Variants in SPAG6 observed in about 807,000 individuals in gnomAD.
SPAG6 encodes sperm associated antigen 6, also known as sperm-associated antigen 6.
A neutral mutation model predicts 58.5 loss-of-function variants in SPAG6; 49 were observed. The observed-to-expected ratio is 0.84, with a 90% CI of 0.67 to 1.06. The LOEUF (loss-of-function observed/expected upper bound fraction) is 1.06, where lower values mean the gene tolerates loss of function less well. Among genes scored for constraint, SPAG6 ranks in the 50% least tolerant of loss-of-function variants. SPAG6 has a pLI of 0.00. For missense variants in SPAG6, 560 were observed against 611.3 expected (o/e 0.92, Z 0.89); for synonymous variants, 233 against 225.6 (o/e 1.03, Z -0.29).
intron 9 of SPAG6, among the ~76,000 whole-genome samples, chr10:22,401,685 G>A (rs903439571): frequency 4.3e-4 from 66 of 152,116 alleles, no homozygotes; most frequent in African/African-American, 1.6e-3. Context: ...CTTTACTGGA[G>A]ATGTTCTCAG....
chr10:22,373,831 G>T (rs572332382), intron 4 of SPAG6, among the ~76,000 whole-genome samples: 1 of 152,048 alleles, frequency 6.6e-6, no homozygotes, highest in South Asian at 2.1e-4. Context: ...TTTGACCCTA[G>T]CACTTATTTT....
At chr10:22,388,773 C>G (rs911060958) in intron 6 of SPAG6, among the ~76,000 whole-genome samples, 2 of 152,104 alleles carry the variant, frequency 1.3e-5, no homozygotes, top group South Asian at 4.1e-4. Flanking sequence ...TAGAATATTT[C>G]AAGTCCGACA....
intron 10 of SPAG6, among the ~76,000 whole-genome samples, chr10:22,413,826 T>C (rs1359982518): frequency 6.6e-6 from 1 of 152,080 alleles, no homozygotes; most frequent in Non-Finnish European, 1.5e-5. Flanking sequence ...TAGACAAATA[T>C]AATCTCAAAA....
At chr10:22,367,334 A>G (rs1377092883) in intron 3 of SPAG6, among the ~76,000 whole-genome samples, 1 of 152,156 alleles carries the variant, frequency 6.6e-6, no homozygotes, top group East Asian at 1.9e-4. Context: ...TACTTATATA[A>G]TTTAAGAAAC....
In SPAG6 at chr10:22,398,209, A is replaced by G. The variant is rs7068745; in HGVS notation, c.1198-2952A>G. Reference sequence around the variant, plus strand: ...ATTGTATCCTCAAGTAAAAATATCAATTTGGACCCTTATCTCATACCATAT... The same window carrying G: ...ATTGTATCCTCAAGTAAAAATATCAGTTTGGACCCTTATCTCATACCATAT... On this transcript the variant is annotated intron_variant, in intron 8 of 10. Transcript: ENST00000376624. Among the ~76,000 whole-genome samples, 1,042 of 152,350 alleles carry G rather than the reference A, an allele frequency of 6.8e-3. 14 individuals are homozygous for G. The highest frequency in any genetic ancestry group is 0.024 in the African/African-American group (978 of 41,584).
At chr10:22,411,215 G>A (rs1834726056) in intron 10 of SPAG6, 39 bp downstream of exon 10, 1 of 1,552,022 alleles carries the variant, frequency 6.4e-7, no homozygotes, top group South Asian at 1.2e-5. Flanking sequence ...ATATTAGAAT[G>A]TAGTTTTTCT....
chr10:22,383,543 G>T (rs1396756665), intron 4 of SPAG6, among the ~76,000 whole-genome samples: 3 of 151,886 alleles, frequency 2.0e-5, no homozygotes, highest in African/African-American at 7.3e-5. Flanking sequence ...AGAGGCTGAG[G>T]CAGAGAATTG....
At chr10:22,376,637 G>A (rs1287344685) in intron 4 of SPAG6, among the ~76,000 whole-genome samples, 4 of 149,876 alleles carry the variant, frequency 2.7e-5, no homozygotes, top group South Asian at 4.2e-4. Context: ...TTGTGGACAT[G>A]TGTGTGTGTG....
rs563268376 is a variant in SPAG6 at position 22,389,380 on chromosome 10, T to C, written c.1005+68T>C. 4.3e-5 allele frequency: 64 copies of C among 1,491,910 alleles called. No homozygotes were observed. The African/African-American group carries it at 5.9e-4, about 14-fold the overall frequency. The allele number at this position is 1,491,910 out of a possible 1,614,324, so 92.4% of individuals were successfully genotyped here. On this transcript the variant is annotated intron_variant, in intron 7 of 10. Coordinates refer to ENST00000376624, the MANE Select transcript of SPAG6 (RefSeq NM_012443.4). ...CTAAGACAGAACCACAGATTAATGT[T>C]CTCCAACAGAATACAAAATATAACT...
intron 10 of SPAG6, chr10:22,412,477 T>C (rs1834764962): frequency 6.5e-7 from 1 of 1,531,822 alleles, no homozygotes; most frequent in South Asian, 1.2e-5. Flanking sequence ...GTTTGTGCAC[T>C]TTTTAGGAAG....
At chr10:22,413,066 C>CAAAAAAAAAAAAAAAA (rs775680159) in intron 10 of SPAG6, 15 of 43,312 alleles carry the variant, frequency 3.5e-4, no homozygotes, top group African/African-American at 1.2e-3. Context: ...CAGAAAGATG[C>CAAAAAAAAAAAAAAAA]AAAAAAAAAA....
chr10:22,383,536 G>A (rs1834004177), intron 4 of SPAG6, among the ~76,000 whole-genome samples: 1 of 152,028 alleles, frequency 6.6e-6, no homozygotes, highest in Admixed American at 6.6e-5. Flanking sequence ...CTACTCGAGA[G>A]GCTGAGGCAG....
At chr10:22,396,750 C>T (rs1051218036) in intron 8 of SPAG6, among the ~76,000 whole-genome samples, 5 of 151,840 alleles carry the variant, frequency 3.3e-5, no homozygotes, top group Non-Finnish European at 2.9e-5. Context: ...TTCCAATAGC[C>T]CTAATCAGGG....
chr10:22,383,052 ATATAT>A (rs1240740686), intron 4 of SPAG6, among the ~76,000 whole-genome samples: 1 of 152,216 alleles, frequency 6.6e-6, no homozygotes, highest in Non-Finnish European at 1.5e-5. Context: ...GTAATGGAAG[ATATAT>A]TATAAAAATT....
chr10:22,385,524 G>C (rs1270928848), intron 4 of SPAG6, among the ~76,000 whole-genome samples: 1 of 152,192 alleles, frequency 6.6e-6, no homozygotes, highest in Non-Finnish European at 1.5e-5. Context: ...GCAGAAGTGT[G>C]TCATTGGCGC....
chr10:22,380,293 T>TTTTG lies in SPAG6; in HGVS notation c.473-6437_473-6434dup, dbSNP rs375844648. Among the ~76,000 whole-genome samples the TTTTG allele has an allele frequency of 1.1e-3, 165 of 151,784 alleles. 1 individual carries two copies. The highest frequency in any genetic ancestry group is 2.4e-3 in the Admixed American group (37 of 15,222). ...AGTGGCAGCCAATTTTAAATGTAGG[T>TTTTG]TTTGTTTGTTTGTTTGTTTGTTTGT... On this transcript the variant is annotated intron_variant, in intron 4 of 10. Coordinates refer to ENST00000376624, the MANE Select transcript of SPAG6 (RefSeq NM_012443.4).
chr10:22,361,908 T>C (rs1158971037), intron 2 of SPAG6, among the ~76,000 whole-genome samples: 1 of 150,718 alleles, frequency 6.6e-6, no homozygotes, highest in Non-Finnish European at 1.5e-5. Context: ...TTAGATTTAA[T>C]TCAAAATATA....
chr10:22,396,121 G>C (rs1834286835), intron 8 of SPAG6, among the ~76,000 whole-genome samples: 1 of 152,114 alleles, frequency 6.6e-6, no homozygotes, highest in Non-Finnish European at 1.5e-5. Context: ...GAGCGAAGGG[G>C]GAGGTGCTAC....
chr10:22,348,221 C>T (rs148247673), intron 2 of SPAG6, among the ~76,000 whole-genome samples: 1 of 152,346 alleles, frequency 6.6e-6, no homozygotes, highest in East Asian at 1.9e-4. Context: ...GATCACTTGA[C>T]CTTGTGATCC....
Sources: gnomAD v4.1 joint callset for allele counts (sites outside exome capture counted in the v4.1 genomes callset) on GRCh38, gnomAD v4.1.1 for gene constraint, MANE v1.5 for transcripts, NCBI Gene and HGNC (gene_info 2026-07-23, HGNC 2026-07-21) for gene names.